SMARCC1: variants seen among roughly 807,000 people sequenced by gnomAD.
SMARCC1 encodes the protein SWI/SNF related BAF chromatin remodeling complex subunit C1, also known as SWI/SNF complex subunit SMARCC1.
SMARCC1 carries 43 observed loss-of-function variants against 147.4 expected under a neutral mutation model. The ratio of observed to expected loss-of-function variants is 0.29; its 90% CI spans 0.23 to 0.38. SMARCC1 has a LOEUF of 0.38. Among genes scored for constraint, SMARCC1 ranks in the 10% least tolerant of loss-of-function variants. SMARCC1 has a pLI of 1.00. For synonymous variants in SMARCC1, 495 were observed against 484.4 expected (o/e 1.02, Z -0.29); for missense variants, 1,119 against 1,381.1 (o/e 0.81, Z 3.01).
intron 25 of SMARCC1, among the ~76,000 whole-genome samples, chr3:47,613,727 C>G (rs1193533615): frequency 6.6e-6 from 1 of 152,082 alleles, no homozygotes; most frequent in Non-Finnish European, 1.5e-5. Flanking sequence ...TAGGCTCCAG[C>G]GAACCCAGTT....
At chr3:47,598,715 A>C (rs1212364550) in intron 26 of SMARCC1, among the ~76,000 whole-genome samples, 1 of 151,560 alleles carries the variant, frequency 6.6e-6, no homozygotes, top group African/African-American at 2.4e-5. Context: ...CTGTGGTCAC[A>C]GCTACTTGGG....
At chr3:47,742,632 G>C (rs1168477161) in intron 3 of SMARCC1, among the ~76,000 whole-genome samples, 5 of 152,096 alleles carry the variant, frequency 3.3e-5, no homozygotes, top group Non-Finnish European at 7.3e-5. Flanking sequence ...ACCCAGGCTG[G>C]AGTGCAGTGG....
chr3:47,757,908 A>G (rs1011307950), intron 2 of SMARCC1, among the ~76,000 whole-genome samples: 1 of 152,148 alleles, frequency 6.6e-6, no homozygotes. Flanking sequence ...AAAGTTGACC[A>G]ACCTATGACA....
At chr3:47,656,789 C>T (rs759384048) in intron 21 of SMARCC1, among the ~76,000 whole-genome samples, 26 of 152,034 alleles carry the variant, frequency 1.7e-4, no homozygotes, top group Non-Finnish European at 3.7e-4. Flanking sequence ...TGGTATGCGC[C>T]TGTAGTCCCA....
chr3:47,722,505 C>T (rs2034245210), intron 6 of SMARCC1, among the ~76,000 whole-genome samples: 1 of 151,892 alleles, frequency 6.6e-6, no homozygotes. Flanking sequence ...CCATTTTGAT[C>T]AGGCTCATCT....
chr3:47,755,602 T>C (rs2034686962), intron 2 of SMARCC1, among the ~76,000 whole-genome samples: 1 of 151,690 alleles, frequency 6.6e-6, no homozygotes. Context: ...CTCATGCCTG[T>C]AATCCCAGCA....
intron 25 of SMARCC1, chr3:47,610,658 A>G (rs760169802): frequency 3.2e-6 from 1 of 311,880 alleles, no homozygotes; most frequent in Non-Finnish European, 6.1e-6. Flanking sequence ...ATATCTAAAA[A>G]TACTTTCTAT....
chr3:47,593,419 G>A (rs1399932628), intron 26 of SMARCC1, among the ~76,000 whole-genome samples: 3 of 149,698 alleles, frequency 2.0e-5, no homozygotes, highest in Admixed American at 6.6e-5. Context: ...TGATCTGCCC[G>A]CCTCGGCCGC....
chr3:47,623,998 C>T (rs1353221475), intron 24 of SMARCC1, among the ~76,000 whole-genome samples: 1 of 151,572 alleles, frequency 6.6e-6, no homozygotes, highest in Non-Finnish European at 1.5e-5. Context: ...TTTAAAACTG[C>T]AGGTCATTGG....
chr3:47,679,058 C>T (rs1288487986), intron 15 of SMARCC1, among the ~76,000 whole-genome samples: 2 of 152,146 alleles, frequency 1.3e-5, no homozygotes, highest in Admixed American at 1.3e-4. Flanking sequence ...ACAGCAGATA[C>T]TAAGGACTTC....
At chr3:47,623,196 A>G (rs1327492504) in intron 24 of SMARCC1, among the ~76,000 whole-genome samples, 1 of 104,692 alleles carries the variant, frequency 9.6e-6, no homozygotes, top group African/African-American at 3.6e-5. Context: ...AAAAAAACCT[A>G]TGTTGCCCAG....
chr3:47,727,447 C>T (rs1488599108), intron 6 of SMARCC1, among the ~76,000 whole-genome samples: 1 of 151,258 alleles, frequency 6.6e-6, no homozygotes, highest in African/African-American at 2.4e-5. Context: ...GCGGAGGTTG[C>T]AGTGAGCCGA....
chr3:47,747,989 C>T (rs1269056342), intron 2 of SMARCC1, among the ~76,000 whole-genome samples: 1 of 149,982 alleles, frequency 6.7e-6, no homozygotes, highest in Non-Finnish European at 1.5e-5. Context: ...GAAGCCCCAT[C>T]TCTACTAAAA....
intron 7 of SMARCC1, among the ~76,000 whole-genome samples, chr3:47,716,131 C>A (rs1457739942): frequency 2.6e-5 from 4 of 151,352 alleles, no homozygotes; most frequent in African/African-American, 9.7e-5. Context: ...GAATATGGAA[C>A]CTGGCCAGGC....
intron 6 of SMARCC1, among the ~76,000 whole-genome samples, chr3:47,728,048 C>T (rs576906720): frequency 2.0e-5 from 3 of 150,664 alleles, no homozygotes; most frequent in Non-Finnish European, 4.4e-5. Context: ...CACGTATCAC[C>T]ACACCCGGAT....
At position 47,767,223 on chromosome 3, in the gene SMARCC1, AT is replaced by A. The variant is rs1238249487; in HGVS notation, c.315+5593del. 1.2e-4 allele frequency among the ~76,000 whole-genome samples: 16 copies of A among 130,204 alleles called. No homozygotes were observed. The East Asian group carries it at 1.5e-3, about 12-fold the overall frequency. 85.4% of individuals were successfully genotyped at this position (130,204 alleles called of 152,430 possible). A position where few individuals can be genotyped will look rare whatever the true frequency, so the allele number is the denominator to read the frequency against. On this transcript the variant is annotated intron_variant, in intron 2 of 27. Coordinates refer to ENST00000254480, the MANE Select transcript of SMARCC1 (RefSeq NM_003074.4). Reference sequence around the variant, plus strand: ...AAAAAAAAAAAAAGGTTCCACTCTGATTTTTTTCTTTTCCTTTTTCTCTTTT... The same window carrying A: ...AAAAAAAAAAAAAGGTTCCACTCTGATTTTTTCTTTTCCTTTTTCTCTTTT...
intron 26 of SMARCC1, 52 bp downstream of exon 26, chr3:47,610,014 G>T: frequency 1.3e-6 from 2 of 1,584,668 alleles, no homozygotes; most frequent in Middle Eastern, 2.3e-4. Flanking sequence ...ATGATGCTCT[G>T]TGCCTCTGTA....
At chr3:47,701,687 G>A (rs965045727) in intron 10 of SMARCC1, 3 of 326,940 alleles carry the variant, frequency 9.2e-6, no homozygotes, top group East Asian at 9.0e-5. Flanking sequence ...GGTGGCAGGC[G>A]CCTGTAATCC....
rs551572463 is a variant in SMARCC1 at position 47,704,040 on chromosome 3, C to T, written c.1040+2369G>A. 1.1e-4 allele frequency among the ~76,000 whole-genome samples: 17 copies of T among 152,188 alleles called. 1 individual carries two copies. In the South Asian group the frequency reaches 2.5e-3, roughly 22 times the overall value. ...GTCTCAATCTCCTGACCTCGTGATC[C>T]GCCCGTCTCGGCCTCCCAAAGTGCT... On this transcript the variant is annotated intron_variant, in intron 10 of 27. Coordinates refer to ENST00000254480, the MANE Select transcript of SMARCC1 (RefSeq NM_003074.4).
Sources: gnomAD v4.1 joint callset for allele counts (sites outside exome capture counted in the v4.1 genomes callset) on GRCh38, gnomAD v4.1.1 for gene constraint, MANE v1.5 for transcripts, NCBI Gene and HGNC (gene_info 2026-07-23, HGNC 2026-07-21) for gene names.